Variants in ADAMTSL1 observed in about 807,000 individuals in gnomAD.
The protein encoded by ADAMTSL1 is ADAMTS-like protein 1.
Under a neutral mutation model 201.8 loss-of-function variants are expected in ADAMTSL1, and 126 were observed. That is an observed-to-expected ratio of 0.62 (90% CI 0.54 to 0.72). The LOEUF (loss-of-function observed/expected upper bound fraction) is 0.72, where lower values mean the gene tolerates loss of function less well. Among genes scored for constraint, ADAMTSL1 ranks in the 30% least tolerant of loss-of-function variants. The pLI, the probability that ADAMTSL1 is intolerant of heterozygous loss-of-function variation, is 0.00. For missense variants in ADAMTSL1, 2,679 were observed against 2,277.8 expected (o/e 1.18, Z -3.59); for synonymous variants, 1,121 against 903.4 (o/e 1.24, Z -4.32).
chr9:18,307,167 C>T (rs938336715), intron 2 of ADAMTSL1, among the ~76,000 whole-genome samples: 3 of 152,060 alleles, frequency 2.0e-5, no homozygotes, highest in African/African-American at 7.2e-5. Flanking sequence ...CACCACCAGG[C>T]CTGCTTTACA....
At chr9:17,947,312 T>TACACACACACAC (rs34840423) in intron 1 of ADAMTSL1, among the ~76,000 whole-genome samples, 25 of 143,370 alleles carry the variant, frequency 1.7e-4, no homozygotes, top group African/African-American at 5.6e-4. Context: ...TATACACACA[T>TACACACACACAC]ACACACACAC....
chr9:18,378,563 T>A (rs988218313), intron 2 of ADAMTSL1, among the ~76,000 whole-genome samples: 1 of 152,146 alleles, frequency 6.6e-6, no homozygotes, highest in Non-Finnish European at 1.5e-5. Context: ...CTGAAGTAGA[T>A]CCAAATAATT....
At position 18,092,664 on chromosome 9, in the gene ADAMTSL1, C is replaced by A. The variant is rs115516307; in HGVS notation, c.88-71198C>A. ...CTAGTAGAGAATTTTTCATTTGCTC[C>A]AGAATTCCCCAGTTTCACTTCCCAC... On this transcript the variant is annotated intron_variant, in intron 1 of 29. Transcript: ENST00000680146. 5.7e-3 allele frequency among the ~76,000 whole-genome samples: 873 copies of A among 152,258 alleles called. 13 individuals carry two copies. The highest frequency in any genetic ancestry group is 0.043 in the South Asian group (209 of 4,824).
At chr9:18,538,022 G>T (rs1029398222) in intron 3 of ADAMTSL1, among the ~76,000 whole-genome samples, 4 of 151,948 alleles carry the variant, frequency 2.6e-5, no homozygotes, top group African/African-American at 9.7e-5. Flanking sequence ...AGGAGGAGAA[G>T]GAGGAAGCTC....
chr9:18,545,211 C>A (rs7042159), intron 3 of ADAMTSL1, among the ~76,000 whole-genome samples: 39,337 of 152,044 alleles, frequency 0.26, 5,530 homozygotes, highest in East Asian at 0.61. Context: ...CAATTCTCAC[C>A]ACTACCTTGA....
chr9:18,416,019 C>G (rs1157075644), intron 2 of ADAMTSL1, among the ~76,000 whole-genome samples: 1 of 151,976 alleles, frequency 6.6e-6, no homozygotes, highest in Admixed American at 6.6e-5. Context: ...GAATTCATTA[C>G]TAGCAGACCT....
chr9:18,320,499 G>A (rs952005738), intron 2 of ADAMTSL1, among the ~76,000 whole-genome samples: 2 of 152,188 alleles, frequency 1.3e-5, no homozygotes, highest in African/African-American at 4.8e-5. Flanking sequence ...GATCTACAGT[G>A]TAACAACTGC....
At chr9:17,945,436 T>C (rs1459066198) in intron 1 of ADAMTSL1, among the ~76,000 whole-genome samples, 1 of 146,438 alleles carries the variant, frequency 6.8e-6, no homozygotes, top group African/African-American at 2.6e-5. Context: ...GAACTAGAAA[T>C]ACCATTTGAC....
chr9:18,169,667 C>A (rs1188093462), intron 2 of ADAMTSL1, among the ~76,000 whole-genome samples: 1 of 152,066 alleles, frequency 6.6e-6, no homozygotes, highest in African/African-American at 2.4e-5. Flanking sequence ...GTGAAAAAGT[C>A]ATTGGTAGCT....
intron 2 of ADAMTSL1, among the ~76,000 whole-genome samples, chr9:18,283,950 G>C (rs545222865): frequency 6.2e-5 from 6 of 96,216 alleles, no homozygotes; most frequent in South Asian, 7.1e-4. Context: ...GAAGAAGAAG[G>C]CTGGGTGTGG....
At chr9:18,526,870 G>GATTAT (rs1819097322) in intron 2 of ADAMTSL1, among the ~76,000 whole-genome samples, 1 of 152,110 alleles carries the variant, frequency 6.6e-6, no homozygotes, top group Non-Finnish European at 1.5e-5. Context: ...ATCTATGGTC[G>GATTAT]CTCTAAGATC....
intron 15 of ADAMTSL1, among the ~76,000 whole-genome samples, chr9:18,746,785 A>C (rs1351084855): frequency 6.6e-6 from 1 of 152,082 alleles, no homozygotes; most frequent in East Asian, 1.9e-4. Flanking sequence ...AAAAAAAAAA[A>C]AAAAAAAATT....
chr9:18,622,862 T>G (rs1826121204), intron 5 of ADAMTSL1, among the ~76,000 whole-genome samples: 1 of 152,068 alleles, frequency 6.6e-6, no homozygotes, highest in Middle Eastern at 3.2e-3. Context: ...CGTTTTGGAT[T>G]TTTGGTTTTT....
At chr9:18,409,974 A>G (rs1260057815) in intron 2 of ADAMTSL1, among the ~76,000 whole-genome samples, 2 of 151,596 alleles carry the variant, frequency 1.3e-5, no homozygotes, top group East Asian at 1.9e-4. Flanking sequence ...TACAGTCCCA[A>G]TTACAAGTAT....
chr9:18,076,437 AT>A (rs1823229337), intron 1 of ADAMTSL1, among the ~76,000 whole-genome samples: 1 of 152,218 alleles, frequency 6.6e-6, no homozygotes, highest in Non-Finnish European at 1.5e-5. Context: ...AAACACATGC[AT>A]GATCATAAGT....
At chr9:18,471,002 C>T (rs571525402), upstream of ADAMTSL1, among the ~76,000 whole-genome samples, 12 of 152,324 alleles carry the variant, frequency 7.9e-5, no homozygotes, top group African/African-American at 2.9e-4. Context: ...GGCCAACGCC[C>T]TGCTCAGATG....
chr9:18,533,160 T>C, intron 2 of ADAMTSL1, 87 bp from the exon 3 acceptor site: 2 of 1,104,312 alleles, frequency 1.8e-6, no homozygotes, highest in Non-Finnish European at 1.3e-6. Flanking sequence ...CTTTTACTAG[T>C]ATTTAGAGCA....
At chr9:17,958,992 CAA>C (rs1238656666) in intron 1 of ADAMTSL1, among the ~76,000 whole-genome samples, 1 of 152,088 alleles carries the variant, frequency 6.6e-6, no homozygotes, top group African/African-American at 2.4e-5. Flanking sequence ...CTTTCTGAAT[CAA>C]AGTCTTTTCT....
chr9:18,884,651 G>C (rs2131525016), intron 23 of ADAMTSL1, among the ~76,000 whole-genome samples: 1 of 152,242 alleles, frequency 6.6e-6, no homozygotes, highest in Middle Eastern at 3.4e-3. Flanking sequence ...TTGTTGGCAA[G>C]ACTGTCCTTT....
Sources: gnomAD v4.1 joint callset for allele counts (sites outside exome capture counted in the v4.1 genomes callset) on GRCh38, gnomAD v4.1.1 for gene constraint, MANE v1.5 for transcripts, NCBI Gene and HGNC (gene_info 2026-07-23, HGNC 2026-07-21) for gene names.